The following UBE2E2 variants were observed in gnomAD, a reference collection of about 807,000 sequenced individuals.
UBE2E2 encodes ubiquitin conjugating enzyme E2 E2, also known as ubiquitin-conjugating enzyme E2 E2.
UBE2E2 carries 6 observed loss-of-function variants against 24.7 expected under a neutral mutation model. The observed-to-expected ratio is 0.24, with a 90% confidence interval of 0.13 to 0.48. The LOEUF is 0.48. UBE2E2 is among the 20% of genes least tolerant of loss of function. The pLI, the probability that UBE2E2 is intolerant of heterozygous loss-of-function variation, is 0.99. For synonymous variants in UBE2E2, 104 were observed against 83.6 expected (o/e 1.24, Z -1.33); for missense variants, 169 against 245.0 (o/e 0.69, Z 2.07).
chr3:23,302,119 C>G (rs901182104), intron 3 of UBE2E2, among the ~76,000 whole-genome samples: 3 of 152,094 alleles, frequency 2.0e-5, no homozygotes, highest in Non-Finnish European at 2.9e-5. Flanking sequence ...CTTGGGCTCT[C>G]CATGATTACT....
intron 3 of UBE2E2, among the ~76,000 whole-genome samples, chr3:23,441,802 A>G (rs1698312474): frequency 6.6e-6 from 1 of 151,650 alleles, no homozygotes; most frequent in Non-Finnish European, 1.5e-5. Context: ...TGAGCTAACT[A>G]TTTTAAATAT....
rs370442209 is a variant in UBE2E2, at chr3:23,362,477, C to T, written c.228-137131C>T. Among the ~76,000 whole-genome samples the T allele has an allele frequency of 3.0e-4, 46 of 152,276 alleles. No individual in the cohort carries two copies. The South Asian group carries it at 8.7e-3, about 29-fold the overall frequency. ...ATGGGGCCTGGGAGCAGTAAGATTA[C>T]ACCACTTCTGCCCTCCTCCCTCCAT... On this transcript the variant is annotated intron_variant, in intron 3 of 5. Transcript: ENST00000396703.
chr3:23,508,669 G>T (rs1553616713), intron 4 of UBE2E2, among the ~76,000 whole-genome samples: 1 of 152,158 alleles, frequency 6.6e-6, no homozygotes, highest in Non-Finnish European at 1.5e-5. Context: ...AAAGGTGGAG[G>T]TTTCAAACAA....
intron 3 of UBE2E2, among the ~76,000 whole-genome samples, chr3:23,264,606 C>T (rs1470646580): frequency 6.6e-6 from 1 of 152,080 alleles, no homozygotes; most frequent in Non-Finnish European, 1.5e-5. Context: ...GGTAAGAATT[C>T]TGTGAGAGAT....
chr3:23,478,386 C>T (rs911719637), intron 3 of UBE2E2, among the ~76,000 whole-genome samples: 4 of 152,116 alleles, frequency 2.6e-5, no homozygotes, highest in Admixed American at 6.5e-5. Flanking sequence ...ACAGACTGAT[C>T]ACCAAAGGAA....
chr3:23,406,397 A>G lies in UBE2E2; in HGVS notation c.228-93211A>G, dbSNP rs1266912098. ...ACTGATATGTTTAACTCTTTGACCA[A>G]ACCTCCATTTGCCAGTCTGTAAAAT... is the stretch of plus-strand genomic sequence containing the variant. On this transcript the variant is annotated intron_variant, in intron 3 of 5. Coordinates refer to ENST00000396703, the MANE Select transcript of UBE2E2 (RefSeq NM_152653.4). Among the ~76,000 whole-genome samples the G allele has an allele frequency of 2.0e-5, 3 of 152,208 alleles. No homozygotes were observed. The East Asian group carries it at 5.8e-4, about 29-fold the overall frequency.
chr3:23,445,781 A>G (rs994037775), intron 3 of UBE2E2, among the ~76,000 whole-genome samples: 8 of 152,118 alleles, frequency 5.3e-5, no homozygotes, highest in Admixed American at 3.9e-4. Context: ...CTTGCTACTC[A>G]GTGGGTACTT....
chr3:23,494,112 C>G (rs904119218), intron 3 of UBE2E2, among the ~76,000 whole-genome samples: 42 of 152,354 alleles, frequency 2.8e-4, no homozygotes, highest in African/African-American at 1.0e-3. Context: ...TGTTCTTCAT[C>G]ATTGCTCTGT....
At chr3:23,231,771 G>T (rs1300971599) in intron 3 of UBE2E2, among the ~76,000 whole-genome samples, 1 of 152,136 alleles carries the variant, frequency 6.6e-6, no homozygotes, top group Non-Finnish European at 1.5e-5. Context: ...ATTAACTAGA[G>T]TGCTCACAGA....
chr3:23,444,362 TGGCTTG>T (rs1173644888), intron 3 of UBE2E2, among the ~76,000 whole-genome samples: 3 of 152,226 alleles, frequency 2.0e-5, no homozygotes, highest in Non-Finnish European at 4.4e-5. Context: ...ACTGATGTAC[TGGCTTG>T]AGGAATTCAA....
chr3:23,218,797 A>G (rs1696549819), intron 3 of UBE2E2, among the ~76,000 whole-genome samples: 1 of 152,168 alleles, frequency 6.6e-6, no homozygotes, highest in Non-Finnish European at 1.5e-5. Flanking sequence ...TAAATGGGGA[A>G]AGGAACTATA....
intron 5 of UBE2E2, among the ~76,000 whole-genome samples, chr3:23,586,932 TTAGAAGTG>T (rs1343159164): frequency 2.0e-5 from 3 of 152,020 alleles, no homozygotes; most frequent in African/African-American, 7.3e-5. Flanking sequence ...CATCATGTGA[TTAGAAGTG>T]TAGGAAGAAA....
At chr3:23,315,406 G>A (rs964491094) in intron 3 of UBE2E2, among the ~76,000 whole-genome samples, 1 of 151,072 alleles carries the variant, frequency 6.6e-6, no homozygotes, top group African/African-American at 2.4e-5. Flanking sequence ...TCTATTATGA[G>A]ACTGATACAT....
intron 3 of UBE2E2, among the ~76,000 whole-genome samples, chr3:23,396,331 GTA>G (rs58629417): frequency 1.5e-4 from 21 of 143,084 alleles, no homozygotes; most frequent in African/African-American, 3.4e-4. Flanking sequence ...ATATATATAC[GTA>G]TATATATATA....
At chr3:23,448,775 G>C (rs958680633) in intron 3 of UBE2E2, among the ~76,000 whole-genome samples, 26 of 152,094 alleles carry the variant, frequency 1.7e-4, no homozygotes, top group East Asian at 5.8e-4. Flanking sequence ...CCTCTGAATT[G>C]CTCTTTGGGA....
chr3:23,478,075 A>G (rs925889701), intron 3 of UBE2E2, among the ~76,000 whole-genome samples: 2 of 152,244 alleles, frequency 1.3e-5, no homozygotes, highest in African/African-American at 4.8e-5. Flanking sequence ...ATTTCTTTAT[A>G]TCAGTGTGAA....
intron 3 of UBE2E2, among the ~76,000 whole-genome samples, chr3:23,386,982 TAGAA>T (rs1696818153): frequency 1.3e-5 from 2 of 152,208 alleles, no homozygotes; most frequent in Admixed American, 1.3e-4. Flanking sequence ...GTTGCTGAAT[TAGAA>T]AGCATTTTAA....
intron 3 of UBE2E2, among the ~76,000 whole-genome samples, chr3:23,367,563 C>G (rs149911880): frequency 6.6e-6 from 1 of 152,180 alleles, no homozygotes; most frequent in Non-Finnish European, 1.5e-5. Context: ...AGCTCTGTGC[C>G]CCTTCCCCCC....
intron 3 of UBE2E2, among the ~76,000 whole-genome samples, chr3:23,244,116 G>A (rs1048689615): frequency 1.7e-5 from 2 of 119,614 alleles, no homozygotes; most frequent in African/African-American, 6.5e-5. Context: ...GAAGAAAAAT[G>A]TACCCTGCAT....
Sources: allele counts gnomAD v4.1 joint callset (sites outside exome capture counted in the v4.1 genomes callset), GRCh38; gene constraint gnomAD v4.1.1; transcripts MANE v1.5; gene names NCBI Gene and HGNC (gene_info 2026-07-23, HGNC 2026-07-21).